The following ADCY9 variants were observed in gnomAD, a reference collection of about 807,000 sequenced individuals.
ADCY9 encodes the protein adenylate cyclase type 9.
Under a neutral mutation model 101.5 loss-of-function variants are expected in ADCY9, and 50 were observed. That is an observed-to-expected ratio of 0.49 (90% CI 0.39 to 0.62). The LOEUF is 0.62. Ranked by LOEUF, ADCY9 falls within the 20% of genes least tolerant of loss-of-function variation. The pLI is 0.00. For synonymous variants in ADCY9, 905 were observed against 769.3 expected (o/e 1.18, Z -2.92); for missense variants, 1,662 against 1,800.4 (o/e 0.92, Z 1.39).
chr16:4,017,841 T>C (rs1834247352), intron 2 of ADCY9, among the ~76,000 whole-genome samples: 2 of 152,166 alleles, frequency 1.3e-5, no homozygotes, highest in East Asian at 1.9e-4. Context: ...TTTGCAGCTC[T>C]CACTATTGTA....
chr16:4,044,897 T>C (rs1240870234), intron 2 of ADCY9, among the ~76,000 whole-genome samples: 1 of 152,102 alleles, frequency 6.6e-6, no homozygotes, highest in Non-Finnish European at 1.5e-5. Context: ...AACAATCCAC[T>C]TCCCGGCCTC....
At chr16:4,097,453 CATATATATATAT>C (rs71394653) in intron 2 of ADCY9, among the ~76,000 whole-genome samples, 29,816 of 71,166 alleles carry the variant, frequency 0.42, 6,192 homozygotes, top group South Asian at 0.59. Flanking sequence ...TGTGGAGTTA[CATATATATATAT>C]ATATATATAT....
At chr16:3,996,774 T>C (rs2056289880) in intron 3 of ADCY9, among the ~76,000 whole-genome samples, 1 of 152,244 alleles carries the variant, frequency 6.6e-6, no homozygotes. Flanking sequence ...TATTCTTCTG[T>C]AGCCATTTAG....
intron 2 of ADCY9, among the ~76,000 whole-genome samples, chr16:4,113,165 CT>C (rs148980633): frequency 1.2e-3 from 182 of 146,674 alleles, no homozygotes; most frequent in Non-Finnish European, 1.9e-3. Flanking sequence ...AAAATGCAAA[CT>C]TTTTTTAAAA....
intron 2 of ADCY9, among the ~76,000 whole-genome samples, chr16:4,057,897 T>C (rs567452669): frequency 2.0e-5 from 3 of 151,272 alleles, no homozygotes; most frequent in Non-Finnish European, 3.0e-5. Flanking sequence ...AGAAGGAGAG[T>C]TGAGTAATCC....
chr16:4,053,410 T>C (rs1200302643), intron 2 of ADCY9, among the ~76,000 whole-genome samples: 1 of 151,446 alleles, frequency 6.6e-6, no homozygotes, highest in African/African-American at 2.4e-5. Flanking sequence ...TAAAATAATA[T>C]TGATCTTTGA....
intron 3 of ADCY9, among the ~76,000 whole-genome samples, chr16:3,994,114 A>T (rs2056269266): frequency 6.6e-6 from 1 of 152,108 alleles, no homozygotes; most frequent in African/African-American, 2.4e-5. Context: ...CTTGGGAGGT[A>T]ATTAGGTCAT....
At chr16:4,043,153 C>T (rs999343120) in intron 2 of ADCY9, among the ~76,000 whole-genome samples, 4 of 151,912 alleles carry the variant, frequency 2.6e-5, no homozygotes, top group African/African-American at 7.3e-5. Flanking sequence ...ATGGCGTGAA[C>T]CCGGGAGGCG....
At chr16:4,103,467 C>T (rs1445021960) in intron 2 of ADCY9, among the ~76,000 whole-genome samples, 1 of 152,224 alleles carries the variant, frequency 6.6e-6, no homozygotes, top group Admixed American at 6.5e-5. Flanking sequence ...AACCAAACTG[C>T]ACTAGCCCTC....
At chr16:4,022,216 G>C (rs369418179) in intron 2 of ADCY9, among the ~76,000 whole-genome samples, 1 of 152,282 alleles carries the variant, frequency 6.6e-6, no homozygotes, top group East Asian at 1.9e-4. Flanking sequence ...ATACAACCAG[G>C]CATGGTGGCT....
intron 2 of ADCY9, among the ~76,000 whole-genome samples, chr16:4,052,203 G>A (rs1042242781): frequency 2.0e-5 from 3 of 152,178 alleles, no homozygotes; most frequent in East Asian, 3.8e-4. Flanking sequence ...TGTCAAGGTC[G>A]TGAAAGACAG....
chr16:4,068,938 A>G lies in ADCY9; in HGVS notation c.1693+44812T>C, dbSNP rs148194292. Reference sequence around the variant, plus strand: ...AAGGACAGACCATAATTTCCACCTAATAGATGTTCAAGTGATTTCCCACTT... The same window carrying G: ...AAGGACAGACCATAATTTCCACCTAGTAGATGTTCAAGTGATTTCCCACTT... On this transcript the variant is annotated intron_variant, in intron 2 of 10. Coordinates refer to ENST00000294016, the MANE Select transcript of ADCY9 (RefSeq NM_001116.4). 5.7e-4 allele frequency among the ~76,000 whole-genome samples: 87 copies of G among 152,262 alleles called. No individual in the cohort carries two copies. In the East Asian group the frequency reaches 0.017, roughly 29 times the overall value.
At chr16:4,108,789 T>G (rs1040091966) in intron 2 of ADCY9, among the ~76,000 whole-genome samples, 9 of 149,142 alleles carry the variant, frequency 6.0e-5, no homozygotes, top group African/African-American at 2.2e-4. Flanking sequence ...CACTGCAACC[T>G]CCGTCTCCCA....
At position 3,989,524 on chromosome 16, in the gene ADCY9, G is replaced by A. The variant is rs139932160; in HGVS notation, c.2208-428C>T. 4.7e-3 allele frequency among the ~76,000 whole-genome samples: 711 copies of A among 152,132 alleles called. 3 individuals carry two copies. The highest frequency in any genetic ancestry group is 0.016 in the African/African-American group (675 of 41,484). ...CTCCTGAGTAGCTGGGATTACAGGCGCCTGCCACCGCACCCAGCTAATTTT... is the reference window on the plus strand; with the variant it reads ...CTCCTGAGTAGCTGGGATTACAGGCACCTGCCACCGCACCCAGCTAATTTT... On this transcript the variant is annotated intron_variant, in intron 5 of 10. Coordinates refer to ENST00000294016, the MANE Select transcript of ADCY9 (RefSeq NM_001116.4).
Position 3,963,367 on chromosome 16 carries a change from C to G in ADCY9, c.*2408G>C, listed in dbSNP as rs1290510784. On this transcript the variant is annotated 3_prime_UTR_variant, in exon 11 of 11. Coordinates refer to ENST00000294016, the MANE Select transcript of ADCY9 (RefSeq NM_001116.4). ...GCTCGCTGCCAACAGACAAGAGATG[C>G]ACGGCGTTTCCGCTGCAGAGATTCT... 12 of 398,696 alleles carry G rather than the reference C, an allele frequency of 3.0e-5. No homozygotes were observed. The highest frequency in any genetic ancestry group is 5.3e-5 in the Non-Finnish European group (12 of 226,004). 24.7% of individuals were successfully genotyped at this position (398,696 alleles called of 1,614,324 possible).
intron 2 of ADCY9, among the ~76,000 whole-genome samples, chr16:4,073,514 G>C (rs2056848026): frequency 6.6e-6 from 1 of 151,956 alleles, no homozygotes; most frequent in Admixed American, 6.6e-5. Context: ...TCCTGCCTCA[G>C]CCTCCCAAGT....
In ADCY9 at chr16:4,081,099, G is replaced by A. The variant is rs116059929; in HGVS notation, c.1693+32651C>T. Among the ~76,000 whole-genome samples the A allele has an allele frequency of 3.6e-3, 545 of 152,262 alleles. 3 individuals carry two copies. The highest frequency in any genetic ancestry group is 0.013 in the African/African-American group (520 of 41,538). ...TCTGTGCTTTATGAGAAAGGAAGAC[G>A]AGCGTGCTCATGTGTGTGGATGGTG... is the stretch of plus-strand genomic sequence containing the variant. On this transcript the variant is annotated intron_variant, in intron 2 of 10. Coordinates refer to ENST00000294016, the MANE Select transcript of ADCY9 (RefSeq NM_001116.4).
chr16:4,006,091 T>TCCC (rs1231103378), intron 3 of ADCY9, among the ~76,000 whole-genome samples: 1 of 152,112 alleles, frequency 6.6e-6, no homozygotes, highest in African/African-American at 2.4e-5. Context: ...AACACCACTG[T>TCCC]CCCGGTGGTT....
At chr16:4,061,416 T>G (rs938788072) in intron 2 of ADCY9, among the ~76,000 whole-genome samples, 5 of 152,154 alleles carry the variant, frequency 3.3e-5, no homozygotes, top group Non-Finnish European at 5.9e-5. Context: ...TGACACATCA[T>G]AGCCAAACTG....
Sources: gnomAD v4.1 joint callset for allele counts (sites outside exome capture counted in the v4.1 genomes callset) on GRCh38, gnomAD v4.1.1 for gene constraint, MANE v1.5 for transcripts, NCBI Gene and HGNC (gene_info 2026-07-23, HGNC 2026-07-21) for gene names.